The following EFCC1 variants were observed in gnomAD, a reference collection of about 807,000 sequenced individuals.
The protein encoded by EFCC1 is EF-hand and coiled-coil domain containing 1.
A neutral mutation model predicts 52.1 loss-of-function variants in EFCC1; 50 were observed. That is an observed-to-expected ratio of 0.96 (90% confidence interval 0.76 to 1.21). EFCC1 has a LOEUF of 1.21. EFCC1 is among the 50% of genes most tolerant of loss of function. EFCC1 has a pLI of 0.00. For synonymous variants in EFCC1, 399 were observed against 396.5 expected (o/e 1.01, Z -0.08); for missense variants, 837 against 867.3 (o/e 0.97, Z 0.44).
intron 4 of EFCC1, among the ~76,000 whole-genome samples, chr3:129,033,851 A>G (rs1208093591): frequency 1.3e-5 from 2 of 152,234 alleles, no homozygotes; most frequent in Non-Finnish European, 2.9e-5. Context: ...AGAGCATTCC[A>G]GGAAGAGGGA....
At chr3:129,005,997 T>C (rs1275931559) in intron 2 of EFCC1, among the ~76,000 whole-genome samples, 1 of 152,272 alleles carries the variant, frequency 6.6e-6, no homozygotes, top group African/African-American at 2.4e-5. Context: ...AACATTGGCA[T>C]AGCCCTTTAC....
At chr3:129,013,613 G>A (rs1945433019) in intron 2 of EFCC1, among the ~76,000 whole-genome samples, 1 of 152,172 alleles carries the variant, frequency 6.6e-6, no homozygotes, top group African/African-American at 2.4e-5. Flanking sequence ...TTTCCCAGTA[G>A]TTCCAACATA....
chr3:129,020,150 G>A (rs918285079), intron 2 of EFCC1, among the ~76,000 whole-genome samples: 2 of 152,152 alleles, frequency 1.3e-5, no homozygotes, highest in Non-Finnish European at 2.9e-5. Context: ...GGACAGCACT[G>A]CAGAAATTTA....
chr3:129,011,762 C>T (rs1039467749), intron 2 of EFCC1, among the ~76,000 whole-genome samples: 10 of 152,038 alleles, frequency 6.6e-5, no homozygotes, highest in Admixed American at 2.6e-4. Flanking sequence ...CTGCACTTCT[C>T]GGAGGACAGA....
At chr3:129,039,392 C>A (rs1946395953) in intron 7 of EFCC1, among the ~76,000 whole-genome samples, 2 of 152,216 alleles carry the variant, frequency 1.3e-5, no homozygotes, top group African/African-American at 4.8e-5. Context: ...CGAGCTCCTG[C>A]CTCACGGGTC....
chr3:129,011,599 C>A (rs1945333110), intron 2 of EFCC1, among the ~76,000 whole-genome samples: 1 of 151,796 alleles, frequency 6.6e-6, no homozygotes, highest in African/African-American at 2.4e-5. Flanking sequence ...CTTGTCTATC[C>A]AGAAAAGCAA....
rs1386830998 is a variant in EFCC1 at position 129,010,040 on chromosome 3, G to GT, written c.980+5964dup. ...GCACCCAGCCCAGCCTTGGCACACAGTAAGATGTGTGTGGACACACGAATG... is the reference window on the plus strand; with the variant it reads ...GCACCCAGCCCAGCCTTGGCACACAGTTAAGATGTGTGTGGACACACGAATG... On this transcript the variant is annotated intron_variant, in intron 2 of 7. Transcript: ENST00000683648. This position sits in a 1 kb window ranked among gnomAD's most constrained non-coding sequence, Gnocchi z 4.3. 1.3e-5 allele frequency among the ~76,000 whole-genome samples: 2 copies of GT among 152,236 alleles called. No homozygotes were observed. The highest frequency in any genetic ancestry group is 1.3e-4 in the Admixed American group (2 of 15,286).
intron 2 of EFCC1, among the ~76,000 whole-genome samples, chr3:129,005,211 A>G (rs1945016771): frequency 6.6e-6 from 1 of 152,242 alleles, no homozygotes; most frequent in Non-Finnish European, 1.5e-5. Flanking sequence ...CCTTCACAGG[A>G]ACAGATGCGT....
intron 4 of EFCC1, among the ~76,000 whole-genome samples, chr3:129,033,711 CTCT>C (rs559021431): frequency 2.9e-4 from 44 of 152,324 alleles, no homozygotes; most frequent in African/African-American, 1.0e-3. Context: ...AGACAGTGGC[CTCT>C]TCTTCTGGAT....
chr3:129,003,992 G>T lies in EFCC1; in HGVS notation c.895G>T (p.Val299Leu). The T allele has an allele frequency of 6.7e-7, 1 of 1,500,818 alleles. No homozygotes were observed. The highest frequency in any genetic ancestry group is 2.3e-4 in the Middle Eastern group (1 of 4,280). The allele number at this position is 1,500,818 out of a possible 1,614,324, so 93.0% of individuals were successfully genotyped here. A position where few individuals can be genotyped will look rare whatever the true frequency, so the allele number is the denominator to read the frequency against. Reference sequence around the variant, plus strand: ...GGTGGTGCTGCGCAGCCTGCACCGCGTGCGAGAGCTGGAGGCGCTGGCGCA... The same window carrying T: ...GGTGGTGCTGCGCAGCCTGCACCGCTTGCGAGAGCTGGAGGCGCTGGCGCA... ...RQVVLRSLHR[V>L]RELEALAQQV... is the part of the protein sequence containing the mutation. Residue 299 changes from valine to leucine, a missense_variant, in exon 2 of 8, where the codon GTG (valine) becomes TTG (leucine). By Grantham distance (32) the Val-to-Leu change is conservative. Transcript: ENST00000683648.
chr3:129,039,826 AC>A lies in EFCC1; in HGVS notation c.1783del (p.Leu595SerfsTer32). 6.2e-7 allele frequency: 1 copy of A among 1,606,290 alleles called. No homozygotes were observed. Among genetic ancestry groups the A allele is most frequent in the Non-Finnish European group, 8.5e-7 (1 of 1,175,540 alleles). On this transcript the variant is annotated frameshift_variant, in exon 8 of 8. Transcript: ENST00000683648. LOFTEE classifies it high-confidence loss of function. ...GCCTCTGCAGCAGCTGCGCTCACCA[AC>A]CCCCTCCTCGTCTCCTGCTGAGGTT... is the stretch of plus-strand genomic sequence containing the variant. ...APASAAAALTNPLLVSC is the reference protein window; with the variant it reads ...APASAAAALTXPLLVSC
intron 2 of EFCC1, among the ~76,000 whole-genome samples, chr3:129,028,049 T>C (rs763070450): frequency 3.3e-5 from 5 of 151,876 alleles, no homozygotes; most frequent in Non-Finnish European, 7.4e-5. Flanking sequence ...TACTATTTAA[T>C]AAGACCAGGT....
rs1945474791 is a variant in EFCC1 at position 129,014,399 on chromosome 3, T to C, written c.980+10322T>C. 6.6e-6 allele frequency among the ~76,000 whole-genome samples: 1 copy of C among 152,152 alleles called. No homozygotes were observed. Among genetic ancestry groups the C allele is most frequent in the Non-Finnish European group, 1.5e-5 (1 of 68,036 alleles). ...AGAGTGCGGTGTCGCAGCGTTGGCTTCTCCTGCGGCCTCTCTCCTGGGCTG... is the reference window on the plus strand; with the variant it reads ...AGAGTGCGGTGTCGCAGCGTTGGCTCCTCCTGCGGCCTCTCTCCTGGGCTG... On this transcript the variant is annotated intron_variant, in intron 2 of 7. Coordinates refer to ENST00000683648, the MANE Select transcript of EFCC1 (RefSeq NM_001377500.1). This position sits in a 1 kb window ranked among gnomAD's most constrained non-coding sequence, Gnocchi z 4.3.
At chr3:129,037,532 C>T (rs1384247837) in intron 6 of EFCC1, among the ~76,000 whole-genome samples, 1 of 152,220 alleles carries the variant, frequency 6.6e-6, no homozygotes, top group Non-Finnish European at 1.5e-5. Context: ...AGGATGATTC[C>T]ACATCAAAAA....
In EFCC1 at chr3:129,001,616, G is replaced by A. The variant is rs1387018945; in HGVS notation, c.-13G>A. On this transcript the variant is annotated 5_prime_UTR_variant, in exon 1 of 8. Coordinates refer to ENST00000683648, the MANE Select transcript of EFCC1 (RefSeq NM_001377500.1). ...GGAGGAGGGACCGGAGGAGCGAGGC[G>A]CGCGGCGCAGCGATGGAGCCGGTCA... is the stretch of plus-strand genomic sequence containing the variant. 2.0e-5 allele frequency: 27 copies of A among 1,351,056 alleles called. No homozygotes were observed. In the East Asian group the frequency reaches 5.2e-4, roughly 26 times the overall value. 83.7% of individuals were successfully genotyped at this position (1,351,056 alleles called of 1,614,324 possible).
chr3:129,002,093 C>T lies in EFCC1; in HGVS notation c.465C>T (p.Thr155=), dbSNP rs574355302. ...CGCGCCTCTGTGGCTACTTCGGCAC[C>T]CGTGCGGGGCCCCGGCTGCCCCGCG... The part of the protein sequence containing the change: ...FHARLCGYFG[T]RAGPRLPRGA... The change falls in exon 1 of 8, where the codon ACC becomes ACT. Residue 155 remains threonine, a synonymous_variant. Transcript: ENST00000683648. The T allele has an allele frequency of 3.3e-5, 50 of 1,511,084 alleles. 1 individual carries two copies. In the South Asian group the frequency reaches 5.6e-4, roughly 17 times the overall value. 93.6% of individuals were successfully genotyped at this position (1,511,084 alleles called of 1,614,324 possible).
At chr3:129,035,313 A>G (rs549287382) in intron 5 of EFCC1, among the ~76,000 whole-genome samples, 1 of 152,308 alleles carries the variant, frequency 6.6e-6, no homozygotes, top group East Asian at 1.9e-4. Flanking sequence ...AAAGGGCCCA[A>G]TGAGGTAGGA....
chr3:129,008,792 G>A (rs956273909), intron 2 of EFCC1, among the ~76,000 whole-genome samples: 18 of 152,130 alleles, frequency 1.2e-4, no homozygotes, highest in African/African-American at 3.9e-4. Context: ...GGTACTCCCT[G>A]GCCCAGCCCC....
At position 129,030,707 on chromosome 3, in the gene EFCC1, G is replaced by T; in HGVS notation, c.985G>T (p.Glu329Ter). The change falls in exon 3 of 8, where the codon GAG becomes TAG. Residue 329 changes from glutamate to a stop codon, truncating the protein, a stop_gained. Coordinates refer to ENST00000683648, the MANE Select transcript of EFCC1 (RefSeq NM_001377500.1). LOFTEE classifies it high-confidence loss of function. ...GTGTCTCTCCCACGGCTGCAGGTCA[G>T]AGGATTCCCAGCTCCCAACCCCGCA... Reference protein sequence around the residue: ...LEAELQRYRSEDSQLPTPQLA... With the variant: ...LEAELQRYRS The T allele has an allele frequency of 6.4e-7, 1 of 1,551,410 alleles. No individual in the cohort carries two copies. Among genetic ancestry groups the T allele is most frequent in the South Asian group, 1.2e-5 (1 of 84,040 alleles).
Sources: gnomAD v4.1 joint callset for allele counts (sites outside exome capture counted in the v4.1 genomes callset) on GRCh38, gnomAD v4.1.1 for gene constraint, Gnocchi (gnomAD v3.1) non-coding constraint, MANE v1.5 for transcripts, NCBI Gene and HGNC (gene_info 2026-07-23, HGNC 2026-07-21) for gene names.